NEK11: variants seen among roughly 807,000 people sequenced by gnomAD.
The protein encoded by NEK11 is serine/threonine-protein kinase Nek11.
In NEK11, 72 loss-of-function variants were observed where a neutral mutation model predicts 80.7. The observed-to-expected ratio is 0.89, with a 90% CI of 0.74 to 1.08. The LOEUF is 1.08. NEK11 is among the 50% of genes least tolerant of loss of function. The pLI is 0.00. For synonymous variants in NEK11, 251 were observed against 260.7 expected (o/e 0.96, Z 0.36); for missense variants, 764 against 763.6 (o/e 1.00, Z -0.01).
chr3:131,312,646 A>G (rs567408853), intron 17 of NEK11, among the ~76,000 whole-genome samples: 2 of 152,182 alleles, frequency 1.3e-5, no homozygotes, highest in Non-Finnish European at 2.9e-5. Flanking sequence ...TCATAATTGT[A>G]CCTTCTACAT....
At chr3:131,325,309 T>C (rs1196534497) in intron 17 of NEK11, 1 of 152,198 alleles carries the variant, frequency 6.6e-6, no homozygotes, top group African/African-American at 2.4e-5. Context: ...TACCATTTAC[T>C]TAAAGTGTAA....
At chr3:131,054,029 G>T (rs2068895006) in intron 3 of NEK11, among the ~76,000 whole-genome samples, 1 of 152,218 alleles carries the variant, frequency 6.6e-6, no homozygotes, top group South Asian at 2.1e-4. Flanking sequence ...GGGACAGAGG[G>T]TGTAACCCGG....
intron 15 of NEK11, among the ~76,000 whole-genome samples, chr3:131,233,110 G>A (rs1291355767): frequency 2.0e-5 from 3 of 151,922 alleles, no homozygotes; most frequent in African/African-American, 7.3e-5. Context: ...CAGGAAGGAA[G>A]GTAGGGAAGG....
At chr3:131,057,467 A>C (rs1294005438) in intron 3 of NEK11, among the ~76,000 whole-genome samples, 1 of 150,594 alleles carries the variant, frequency 6.6e-6, no homozygotes, top group African/African-American at 2.4e-5. Context: ...CGCCACACTG[A>C]CTTCCACAAT....
At chr3:131,255,820 C>T (rs1365100329) in intron 16 of NEK11, among the ~76,000 whole-genome samples, 2 of 152,156 alleles carry the variant, frequency 1.3e-5, no homozygotes, top group African/African-American at 4.8e-5. Context: ...AAACCTTCTA[C>T]TTCTCTGTAA....
At chr3:131,213,055 T>A (rs1647163759) in intron 14 of NEK11, among the ~76,000 whole-genome samples, 1 of 152,142 alleles carries the variant, frequency 6.6e-6, no homozygotes, top group Non-Finnish European at 1.5e-5. Context: ...GGACTTAAGG[T>A]TGCAACATTA....
At chr3:131,277,562 G>C (rs185458455) in intron 17 of NEK11, among the ~76,000 whole-genome samples, 1 of 152,160 alleles carries the variant, frequency 6.6e-6, no homozygotes, top group Admixed American at 6.5e-5. Flanking sequence ...TGACTTTGTC[G>C]TCTCCTCTAT....
At chr3:131,249,281 A>T (rs1234014145) in intron 16 of NEK11, among the ~76,000 whole-genome samples, 2 of 152,134 alleles carry the variant, frequency 1.3e-5, no homozygotes, top group African/African-American at 4.8e-5. Context: ...AAGGGAAGGT[A>T]AGGTGTAGGC....
intron 17 of NEK11, among the ~76,000 whole-genome samples, chr3:131,309,713 A>G (rs1331356568): frequency 6.6e-6 from 1 of 152,118 alleles, no homozygotes; most frequent in Non-Finnish European, 1.5e-5. Context: ...CTATAAATAA[A>G]ACTACCCTTT....
At chr3:131,105,033 T>A (rs890982352) in intron 4 of NEK11, among the ~76,000 whole-genome samples, 1 of 152,216 alleles carries the variant, frequency 6.6e-6, no homozygotes, top group African/African-American at 2.4e-5. Flanking sequence ...AAACATGGCC[T>A]CCTGTATGAT....
At chr3:131,084,619 G>A (rs1374345345) in intron 4 of NEK11, among the ~76,000 whole-genome samples, 1 of 152,194 alleles carries the variant, frequency 6.6e-6, no homozygotes, top group Non-Finnish European at 1.5e-5. Context: ...GGTGGTAGTG[G>A]TTGTGGTGGA....
At chr3:131,085,786 A>G (rs978237845) in intron 4 of NEK11, among the ~76,000 whole-genome samples, 4 of 152,136 alleles carry the variant, frequency 2.6e-5, no homozygotes, top group Non-Finnish European at 4.4e-5. Context: ...TAATTATCAA[A>G]ACTAGGAAAA....
chr3:131,318,442 A>G (rs1209876061), intron 17 of NEK11, among the ~76,000 whole-genome samples: 1 of 152,224 alleles, frequency 6.6e-6, no homozygotes, highest in African/African-American at 2.4e-5. Flanking sequence ...TTTATGCTAT[A>G]TAAATACTTG....
intron 3 of NEK11, among the ~76,000 whole-genome samples, chr3:131,079,599 CT>C (rs1188577761): frequency 1.3e-5 from 2 of 151,894 alleles, no homozygotes; most frequent in South Asian, 2.1e-4. Flanking sequence ...TTATCAGACT[CT>C]TTTTTTTCTT....
intron 14 of NEK11, among the ~76,000 whole-genome samples, chr3:131,222,551 G>C (rs184371857): frequency 6.6e-6 from 1 of 152,352 alleles, no homozygotes; most frequent in Non-Finnish European, 1.5e-5. Flanking sequence ...TAATAGCACA[G>C]TAACTCGAGC....
chr3:131,080,733 T>C, intron 4 of NEK11, 145 bp downstream of exon 4: 1 of 688,596 alleles, frequency 1.5e-6, no homozygotes, highest in South Asian at 2.4e-5. Context: ...CAGCTAAGAA[T>C]GATTATCTGT....
At chr3:131,064,178 G>C (rs1201206038) in intron 3 of NEK11, among the ~76,000 whole-genome samples, 1 of 152,178 alleles carries the variant, frequency 6.6e-6, no homozygotes, top group African/African-American at 2.4e-5. Context: ...GTGGGAATGG[G>C]TAGTGATTGC....
intron 17 of NEK11, among the ~76,000 whole-genome samples, chr3:131,335,786 C>A (rs1305132348): frequency 6.6e-6 from 1 of 152,166 alleles, no homozygotes; most frequent in Non-Finnish European, 1.5e-5. Flanking sequence ...GATAGAAAAT[C>A]AATGTGCAAA....
chr3:131,121,553 C>T (rs1211943804), intron 5 of NEK11, among the ~76,000 whole-genome samples: 1 of 152,232 alleles, frequency 6.6e-6, no homozygotes, highest in African/African-American at 2.4e-5. Context: ...GTTTCTGCTG[C>T]CTTTTGTTCA....
Sources: allele counts gnomAD v4.1 joint callset (sites outside exome capture counted in the v4.1 genomes callset), GRCh38; gene constraint gnomAD v4.1.1; transcripts MANE v1.5; gene names NCBI Gene and HGNC (gene_info 2026-07-23, HGNC 2026-07-21).